The following PHYHIPL variants were observed in gnomAD, a reference collection of about 807,000 sequenced individuals.
PHYHIPL encodes the protein phytanoyl-CoA 2-hydroxylase interacting protein like, also known as phytanoyl-CoA hydroxylase-interacting protein-like.
In PHYHIPL, 9 loss-of-function variants were observed where a neutral mutation model predicts 33.4. The ratio of observed to expected loss-of-function variants is 0.27; its 90% confidence interval spans 0.16 to 0.47. PHYHIPL has a LOEUF of 0.47. PHYHIPL is among the 20% of genes least tolerant of loss of function. The pLI is 0.99. For missense variants in PHYHIPL, 365 were observed against 460.7 expected (o/e 0.79, Z 1.90); for synonymous variants, 153 against 154.1 (o/e 0.99, Z 0.05).
At chr10:59,237,404 CCTTTT>C (rs1027537162) in intron 3 of PHYHIPL, among the ~76,000 whole-genome samples, 4 of 151,878 alleles carry the variant, frequency 2.6e-5, no homozygotes, top group Non-Finnish European at 5.9e-5. Context: ...GTCATCCTTT[CCTTTT>C]GTCTTTTAGA....
chr10:59,181,011 T>G (rs1467047908), intron 1 of PHYHIPL, among the ~76,000 whole-genome samples: 2 of 152,156 alleles, frequency 1.3e-5, no homozygotes, highest in African/African-American at 4.8e-5. Flanking sequence ...CCATTTTAGA[T>G]CAGACCACCC....
chr10:59,180,742 A>G (rs945652229), intron 1 of PHYHIPL, among the ~76,000 whole-genome samples: 8 of 152,182 alleles, frequency 5.3e-5, no homozygotes, highest in East Asian at 1.9e-4. Flanking sequence ...TGTTGAGTTT[A>G]TCAAATTTAT....
At chr10:59,215,588 T>C (rs987313971) in intron 1 of PHYHIPL, among the ~76,000 whole-genome samples, 9 of 151,832 alleles carry the variant, frequency 5.9e-5, no homozygotes, top group Non-Finnish European at 1.0e-4. Context: ...TACACTCTGG[T>C]GGGAAAAACA....
chr10:59,243,520 CTCT>C (rs1321792727), intron 4 of PHYHIPL, among the ~76,000 whole-genome samples: 2 of 152,244 alleles, frequency 1.3e-5, no homozygotes, highest in East Asian at 3.9e-4. Context: ...TTTCCTCATT[CTCT>C]TAACTGTGAC....
At chr10:59,240,423 C>G (rs917071226) in intron 4 of PHYHIPL, among the ~76,000 whole-genome samples, 8 of 151,952 alleles carry the variant, frequency 5.3e-5, no homozygotes, top group African/African-American at 1.7e-4. Flanking sequence ...ATAGCTTAGC[C>G]TAGCCTCCTT....
intron 1 of PHYHIPL, among the ~76,000 whole-genome samples, chr10:59,207,046 TTAAG>T (rs1325352450): frequency 6.6e-6 from 1 of 152,204 alleles, no homozygotes; most frequent in Non-Finnish European, 1.5e-5. Context: ...AAGCAGAATC[TTAAG>T]TAAGGTACAT....
intron 1 of PHYHIPL, among the ~76,000 whole-genome samples, chr10:59,203,268 C>T (rs1258919379): frequency 1.3e-5 from 2 of 152,286 alleles, no homozygotes; most frequent in Non-Finnish European, 2.9e-5. Flanking sequence ...CAGGAAACAA[C>T]AGGTGCTGGA....
intron 1 of PHYHIPL, among the ~76,000 whole-genome samples, chr10:59,190,993 C>G (rs1838768572): frequency 2.6e-5 from 4 of 151,964 alleles, no homozygotes; most frequent in African/African-American, 9.6e-5. Context: ...TGAAATCTGG[C>G]AACAACTTTT....
chr10:59,225,895 C>T (rs1170001079), intron 1 of PHYHIPL, among the ~76,000 whole-genome samples: 2 of 151,960 alleles, frequency 1.3e-5, no homozygotes, highest in African/African-American at 4.8e-5. Context: ...GATGAAAAAA[C>T]AAAATGAGAC....
At chr10:59,235,014 A>T (rs991854971) in intron 2 of PHYHIPL, among the ~76,000 whole-genome samples, 2 of 152,038 alleles carry the variant, frequency 1.3e-5, no homozygotes, top group African/African-American at 4.8e-5. Context: ...TAACACAGAC[A>T]GATGGCCAGA....
chr10:59,222,888 A>G (rs1018748703), intron 1 of PHYHIPL, among the ~76,000 whole-genome samples: 6 of 152,276 alleles, frequency 3.9e-5, no homozygotes, highest in East Asian at 3.9e-4. Context: ...ACTACATGCC[A>G]GATGTATTAG....
intron 4 of PHYHIPL, among the ~76,000 whole-genome samples, chr10:59,239,155 CT>C (rs2133295246): frequency 6.6e-6 from 1 of 151,884 alleles, no homozygotes; most frequent in East Asian, 1.9e-4. Context: ...AGTCTTTTAG[CT>C]GTTGTATTAG....
intron 4 of PHYHIPL, among the ~76,000 whole-genome samples, chr10:59,243,135 A>G (rs559088003): frequency 6.6e-6 from 1 of 152,280 alleles, no homozygotes; most frequent in African/African-American, 2.4e-5. Flanking sequence ...AAGGAAAAAA[A>G]AAAAACATTG....
chr10:59,210,914 G>C (rs1023205286), intron 1 of PHYHIPL, among the ~76,000 whole-genome samples: 3 of 152,106 alleles, frequency 2.0e-5, no homozygotes, highest in African/African-American at 7.2e-5. Flanking sequence ...TCACACACCA[G>C]GGCCTGTTTG....
intron 1 of PHYHIPL, among the ~76,000 whole-genome samples, chr10:59,205,130 C>T (rs1489469630): frequency 6.6e-6 from 1 of 152,188 alleles, no homozygotes; most frequent in African/African-American, 2.4e-5. Context: ...GCTGGGATTA[C>T]AGGCATGAGC....
chr10:59,178,333 G>T (rs909009999), intron 1 of PHYHIPL, among the ~76,000 whole-genome samples: 1 of 151,904 alleles, frequency 6.6e-6, no homozygotes, highest in Non-Finnish European at 1.5e-5. Context: ...GACTGTTTTA[G>T]TCACCATGGT....
In PHYHIPL at chr10:59,247,139, T is replaced by C. The variant is rs1400726708; in HGVS notation, c.*1548T>C. On this transcript the variant is annotated 3_prime_UTR_variant, in exon 5 of 5. Transcript: ENST00000373880. ...AAATGTTTTATCACTCAAAAATCCA[T>C]TAGAAGTTTCAAATAAATTGCTTTC... 1 of 157,472 alleles carries C rather than the reference T, an allele frequency of 6.4e-6. No homozygotes were observed. Among genetic ancestry groups the C allele is most frequent in the Non-Finnish European group, 1.4e-5 (1 of 71,794 alleles). The allele number at this position is 157,472 out of a possible 1,614,324, so 9.8% of individuals were successfully genotyped here.
At chr10:59,181,596 T>C (rs1838412876) in intron 1 of PHYHIPL, among the ~76,000 whole-genome samples, 1 of 152,214 alleles carries the variant, frequency 6.6e-6, no homozygotes, top group Admixed American at 6.5e-5. Context: ...ATTTACAATG[T>C]TTTTCTTTAT....
intron 1 of PHYHIPL, among the ~76,000 whole-genome samples, chr10:59,224,751 A>C (rs868137940): frequency 1.3e-5 from 2 of 152,158 alleles, no homozygotes; most frequent in South Asian, 4.1e-4. Flanking sequence ...ATTACGTTGT[A>C]ATTAGAATAT....
Sources: gnomAD v4.1 joint callset for allele counts (sites outside exome capture counted in the v4.1 genomes callset) on GRCh38, gnomAD v4.1.1 for gene constraint, MANE v1.5 for transcripts, NCBI Gene and HGNC (gene_info 2026-07-23, HGNC 2026-07-21) for gene names.